PLCB1: variants seen among roughly 807,000 people sequenced by gnomAD.
PLCB1 encodes phospholipase C beta 1, also known as 1-phosphatidylinositol 4,5-bisphosphate phosphodiesterase beta-1.
PLCB1 carries 46 observed loss-of-function variants against 161.8 expected under a neutral mutation model. The observed-to-expected ratio is 0.28, with a 90% CI of 0.22 to 0.36. The LOEUF (loss-of-function observed/expected upper bound fraction) is 0.36. Among genes scored for constraint, PLCB1 ranks in the 10% least tolerant of loss-of-function variants. The probability of loss-of-function intolerance (pLI) is 1.00; values close to 1 mark genes in which losing one functional copy is unlikely to be tolerated. For synonymous variants in PLCB1, 517 were observed against 503.7 expected (o/e 1.03, Z -0.35); for missense variants, 1,016 against 1,472.5 (o/e 0.69, Z 5.07).
intron 11 of PLCB1, among the ~76,000 whole-genome samples, 157 bp downstream of exon 11, chr20:8,697,940 A>G (rs983766147): frequency 6.6e-6 from 1 of 152,246 alleles, no homozygotes; most frequent in Non-Finnish European, 1.5e-5. Flanking sequence ...CTGTTTATTC[A>G]TGAATAATTG....
At chr20:8,878,998 C>T (rs1987878115) in intron 31 of PLCB1, among the ~76,000 whole-genome samples, 1 of 152,020 alleles carries the variant, frequency 6.6e-6, no homozygotes, top group Admixed American at 6.6e-5. Context: ...TCAATCATTG[C>T]CATATTTATG....
At chr20:8,717,915 G>T in intron 14 of PLCB1, 67 bp downstream of exon 14, 1 of 1,453,574 alleles carries the variant, frequency 6.9e-7, no homozygotes, top group Non-Finnish European at 9.2e-7. Context: ...TCTGGGCTGT[G>T]CGTGGTGGCT....
intron 26 of PLCB1, among the ~76,000 whole-genome samples, chr20:8,773,146 C>T (rs1379091730): frequency 6.6e-6 from 1 of 152,170 alleles, no homozygotes. Flanking sequence ...ACTCCCTTCC[C>T]CATGTGATGC....
intron 9 of PLCB1, among the ~76,000 whole-genome samples, chr20:8,659,121 C>A (rs1989552692): frequency 6.6e-6 from 1 of 151,922 alleles, no homozygotes; most frequent in African/African-American, 2.4e-5. Context: ...TTATCTTTTT[C>A]CAGTATATAC....
intron 4 of PLCB1, among the ~76,000 whole-genome samples, chr20:8,640,421 C>T (rs921657129): frequency 3.3e-5 from 5 of 152,042 alleles, no homozygotes; most frequent in African/African-American, 1.2e-4. Context: ...TTGTAATGAA[C>T]AACGATATCA....
At chr20:8,784,068 A>G (rs1367006630) in intron 27 of PLCB1, among the ~76,000 whole-genome samples, 47 of 152,238 alleles carry the variant, frequency 3.1e-4, no homozygotes, top group Non-Finnish European at 1.5e-5. Context: ...TCTTTGTAGC[A>G]TAAAAAAGAG....
At chr20:8,389,379 G>A (rs1441557443) in intron 3 of PLCB1, among the ~76,000 whole-genome samples, 1 of 152,208 alleles carries the variant, frequency 6.6e-6, no homozygotes, top group Non-Finnish European at 1.5e-5. Context: ...ACCTGGAGAG[G>A]TTGTAGAGAA....
At chr20:8,759,663 G>A (rs992764489) in intron 24 of PLCB1, among the ~76,000 whole-genome samples, 3 of 151,976 alleles carry the variant, frequency 2.0e-5, no homozygotes, top group Non-Finnish European at 2.9e-5. Flanking sequence ...ATCACACCCG[G>A]CTAATTTTAT....
intron 2 of PLCB1, among the ~76,000 whole-genome samples, chr20:8,327,258 T>G (rs1985193263): frequency 6.6e-6 from 1 of 152,188 alleles, no homozygotes; most frequent in Non-Finnish European, 1.5e-5. Flanking sequence ...GTTGTTGAGG[T>G]GTCCAGGCTT....
chr20:8,450,698 T>G (rs1296326085), intron 3 of PLCB1, among the ~76,000 whole-genome samples: 1 of 152,232 alleles, frequency 6.6e-6, no homozygotes, highest in Non-Finnish European at 1.5e-5. Context: ...TAGCGAGGCA[T>G]CTATCGGTGA....
rs1037796334 is a variant in PLCB1 at position 8,599,518 on chromosome 20, T to C, written c.247-28776T>C. On this transcript the variant is annotated intron_variant, in intron 3 of 31. Coordinates refer to ENST00000338037, the MANE Select transcript of PLCB1 (RefSeq NM_015192.4). ...TTGAGGGTAACCCGACCTTTCTCTC[T>C]GGCTGCCCTTAACATTTTTTCCTTC... Among the ~76,000 whole-genome samples the C allele has an allele frequency of 4.7e-4, 57 of 122,190 alleles. No individual in the cohort carries two copies. In the East Asian group the frequency reaches 0.013, roughly 27 times the overall value. 80.2% of individuals were successfully genotyped at this position (122,190 alleles called of 152,430 possible). A position where few individuals can be genotyped will look rare whatever the true frequency, so the allele number is the denominator to read the frequency against.
At chr20:8,170,448 T>G (rs2051722014) in intron 2 of PLCB1, among the ~76,000 whole-genome samples, 2 of 152,110 alleles carry the variant, frequency 1.3e-5, no homozygotes, top group Admixed American at 6.6e-5. Flanking sequence ...TAGAAAATAA[T>G]ATGATTTGCA....
chr20:8,785,069 G>T (rs1448129220), intron 27 of PLCB1, among the ~76,000 whole-genome samples: 1 of 151,806 alleles, frequency 6.6e-6, no homozygotes, highest in East Asian at 1.9e-4. Flanking sequence ...ACATACAAAA[G>T]GTATGTCTGT....
At chr20:8,147,795 G>A (rs926817) in intron 1 of PLCB1, among the ~76,000 whole-genome samples, 61,268 of 150,918 alleles carry the variant, frequency 0.41, 12,446 homozygotes, top group Middle Eastern at 0.46. Context: ...AGGAGGGGAA[G>A]GAATAAGCTA....
intron 31 of PLCB1, among the ~76,000 whole-genome samples, chr20:8,818,159 C>T (rs563773985): frequency 1.3e-5 from 2 of 152,232 alleles, no homozygotes; most frequent in African/African-American, 4.8e-5. Context: ...TGGATTAATT[C>T]ATAGATTCAC....
At chr20:8,147,701 C>A (rs1382598683) in intron 1 of PLCB1, among the ~76,000 whole-genome samples, 1 of 151,992 alleles carries the variant, frequency 6.6e-6, no homozygotes, top group Non-Finnish European at 1.5e-5. Flanking sequence ...GGCAGGGAGC[C>A]GAGATAAATG....
At chr20:8,782,104 T>A (rs1169876003) in intron 27 of PLCB1, among the ~76,000 whole-genome samples, 2 of 152,228 alleles carry the variant, frequency 1.3e-5, no homozygotes, top group African/African-American at 2.4e-5. Context: ...TATTTTAATA[T>A]AAGTTCTATT....
chr20:8,832,416 A>G (rs1259578982), intron 31 of PLCB1, among the ~76,000 whole-genome samples: 2 of 152,234 alleles, frequency 1.3e-5, no homozygotes, highest in East Asian at 3.9e-4. Context: ...AGCTTCCTGA[A>G]CATCAGGGAA....
intron 31 of PLCB1, among the ~76,000 whole-genome samples, chr20:8,843,749 G>T (rs1986591924): frequency 6.6e-6 from 1 of 152,092 alleles, no homozygotes; most frequent in Non-Finnish European, 1.5e-5. Context: ...TGTTTGAATA[G>T]ACTTTATTAT....
Sources: gnomAD v4.1 joint callset for allele counts (sites outside exome capture counted in the v4.1 genomes callset) on GRCh38, gnomAD v4.1.1 for gene constraint, MANE v1.5 for transcripts, NCBI Gene and HGNC (gene_info 2026-07-23, HGNC 2026-07-21) for gene names.